The following WDPCP variants were observed in gnomAD, a reference collection of about 807,000 sequenced individuals.
The protein encoded by WDPCP is WD repeat-containing and planar cell polarity effector protein fritz homolog.
Under a neutral mutation model 93.1 loss-of-function variants are expected in WDPCP, and 71 were observed. The observed-to-expected ratio is 0.76, with a 90% CI of 0.63 to 0.93. The LOEUF (loss-of-function observed/expected upper bound fraction) is 0.93. Among genes scored for constraint, WDPCP ranks in the 40% least tolerant of loss-of-function variants. The pLI, the probability that WDPCP is intolerant of heterozygous loss-of-function variation, is 0.00. For missense variants in WDPCP, 844 were observed against 887.4 expected (o/e 0.95, Z 0.62); for synonymous variants, 315 against 315.0 (o/e 1.00, Z 0.00).
chr2:63,588,996 C>G (rs751211778), upstream of WDPCP: 2 of 1,614,180 alleles, frequency 1.2e-6, no homozygotes, highest in Non-Finnish European at 1.7e-6. Flanking sequence ...ACCTGACTCT[C>G]TGAGGCTCAT....
chr2:63,680,759 G>A (rs1189847575), intron 2 of WDPCP, among the ~76,000 whole-genome samples: 1 of 152,174 alleles, frequency 6.6e-6, no homozygotes, highest in Non-Finnish European at 1.5e-5. Flanking sequence ...AGGCAGCAAA[G>A]CTCACAGCAA....
intron 15 of WDPCP, among the ~76,000 whole-genome samples, chr2:63,153,882 A>G (rs1056146251): frequency 2.0e-5 from 3 of 152,140 alleles, no homozygotes; most frequent in South Asian, 2.1e-4. Flanking sequence ...AAGAGAAACA[A>G]TCATGGAAAC....
chr2:63,756,571 G>C (rs1195153315), intron 2 of WDPCP, among the ~76,000 whole-genome samples: 1 of 152,138 alleles, frequency 6.6e-6, no homozygotes, highest in Non-Finnish European at 1.5e-5. Flanking sequence ...AAGATATCAA[G>C]TTGGGAATCT....
At chr2:63,407,382 G>C (rs1302518207) in intron 9 of WDPCP, among the ~76,000 whole-genome samples, 1 of 152,146 alleles carries the variant, frequency 6.6e-6, no homozygotes, top group Admixed American at 6.5e-5. Flanking sequence ...GGCCACTAGG[G>C]ACTTTGATTT....
At chr2:63,380,309 G>A (rs1231722408) in intron 11 of WDPCP, among the ~76,000 whole-genome samples, 1 of 151,518 alleles carries the variant, frequency 6.6e-6, no homozygotes, top group African/African-American at 2.4e-5. Context: ...TAAGATAACT[G>A]CAGGCAGCAA....
At chr2:63,268,881 G>A (rs181408103) in intron 13 of WDPCP, among the ~76,000 whole-genome samples, 2 of 152,056 alleles carry the variant, frequency 1.3e-5, no homozygotes, top group Admixed American at 1.3e-4. Flanking sequence ...TGTATACATA[G>A]ATAAAAACAT....
intron 2 of WDPCP, among the ~76,000 whole-genome samples, chr2:63,672,146 C>T (rs939761878): frequency 2.0e-5 from 3 of 152,062 alleles, no homozygotes; most frequent in African/African-American, 7.2e-5. Context: ...TTGGAGGCCT[C>T]GACATTGAAC....
At chr2:63,722,254 G>T (rs1240402721) in intron 2 of WDPCP, among the ~76,000 whole-genome samples, 1 of 150,930 alleles carries the variant, frequency 6.6e-6, no homozygotes, top group South Asian at 2.1e-4. Flanking sequence ...GAGCGTCTCC[G>T]CCCGGCCGCC....
intron 2 of WDPCP, among the ~76,000 whole-genome samples, chr2:63,783,246 T>C (rs1198826774): frequency 1.3e-5 from 2 of 149,920 alleles, no homozygotes; most frequent in Non-Finnish European, 3.0e-5. Context: ...ACTCTGTCTC[T>C]ACAAAAAAAA....
intron 1 of WDPCP, among the ~76,000 whole-genome samples, chr2:63,817,777 A>G (rs956672560): frequency 1.3e-5 from 2 of 152,230 alleles, no homozygotes; most frequent in Non-Finnish European, 2.9e-5. Flanking sequence ...GGGAAAAATT[A>G]TAGTCTGTGA....
intron 3 of WDPCP, chr2:63,605,989 TC>T (rs1365143282): frequency 6.2e-7 from 1 of 1,614,076 alleles, no homozygotes; most frequent in Non-Finnish European, 8.5e-7. Flanking sequence ...CCTATGGTGT[TC>T]CTGATGATCT....
At position 63,355,977 on chromosome 2, in the gene WDPCP, T is replaced by A. The variant is rs115085752; in HGVS notation, c.1748+22409A>T. 1.9e-3 allele frequency among the ~76,000 whole-genome samples: 294 copies of A among 152,228 alleles called. 2 individuals carry two copies. The highest frequency in any genetic ancestry group is 6.9e-3 in the African/African-American group (288 of 41,540). On this transcript the variant is annotated intron_variant, in intron 12 of 17. Transcript: ENST00000272321. Reference sequence around the variant, plus strand: ...ATGCCCCACTTTTTAAAAGGTACAATGTGGCAAGCTGGATAAAAAAGCAAG... The same window carrying A: ...ATGCCCCACTTTTTAAAAGGTACAAAGTGGCAAGCTGGATAAAAAAGCAAG...
intron 1 of WDPCP, among the ~76,000 whole-genome samples, chr2:63,504,400 T>C (rs1014952301): frequency 2.7e-5 from 4 of 150,832 alleles, no homozygotes; most frequent in African/African-American, 9.7e-5. Flanking sequence ...TTAAAAATAT[T>C]TTTCTGGGCA....
chr2:63,500,303 T>C (rs1305111051), intron 1 of WDPCP, among the ~76,000 whole-genome samples: 1 of 152,132 alleles, frequency 6.6e-6, no homozygotes, highest in Non-Finnish European at 1.5e-5. Flanking sequence ...TGGAATTTTC[T>C]AAATAGAGAG....
At chr2:63,776,524 C>T (rs370896017) in intron 2 of WDPCP, among the ~76,000 whole-genome samples, 9 of 151,604 alleles carry the variant, frequency 5.9e-5, no homozygotes, top group East Asian at 3.9e-4. Flanking sequence ...GGTGTGGTGG[C>T]GCATGCCTAT....
At chr2:63,592,872 G>A (rs1709226346), upstream of WDPCP, among the ~76,000 whole-genome samples, 2 of 151,916 alleles carry the variant, frequency 1.3e-5, no homozygotes, top group South Asian at 2.1e-4. Flanking sequence ...TAAGGATCTC[G>A]TATTCTAAAG....
At chr2:63,224,114 T>G (rs1289089907) in intron 14 of WDPCP, among the ~76,000 whole-genome samples, 1 of 152,014 alleles carries the variant, frequency 6.6e-6, no homozygotes, top group African/African-American at 2.4e-5. Flanking sequence ...AAGATATACA[T>G]ATGGCAAATA....
At chr2:63,822,808 C>G (rs1342374338) in intron 1 of WDPCP, among the ~76,000 whole-genome samples, 1 of 151,694 alleles carries the variant, frequency 6.6e-6, no homozygotes, top group Non-Finnish European at 1.5e-5. Flanking sequence ...ATTGCTTGAG[C>G]CAACTGCATT....
At chr2:63,429,721 T>A (rs1280960810) in intron 9 of WDPCP, among the ~76,000 whole-genome samples, 2 of 152,108 alleles carry the variant, frequency 1.3e-5, no homozygotes, top group East Asian at 1.9e-4. Context: ...AAAGGGATAC[T>A]TACACACTGT....
Sources: allele counts gnomAD v4.1 joint callset (sites outside exome capture counted in the v4.1 genomes callset), GRCh38; gene constraint gnomAD v4.1.1; transcripts MANE v1.5; gene names NCBI Gene and HGNC (gene_info 2026-07-23, HGNC 2026-07-21).